OSBPL10: variants seen among roughly 807,000 people sequenced by gnomAD.
OSBPL10 encodes the protein oxysterol binding protein like 10, also known as oxysterol-binding protein-related protein 10.
In OSBPL10, 49 loss-of-function variants were observed where a neutral mutation model predicts 81.7. The ratio of observed to expected loss-of-function variants is 0.60; its 90% CI spans 0.48 to 0.76. The LOEUF is 0.76. Among genes scored for constraint, OSBPL10 ranks in the 30% least tolerant of loss-of-function variants. OSBPL10 has a pLI of 0.00. For missense variants in OSBPL10, 923 were observed against 987.8 expected, an observed-to-expected ratio of 0.93 and a Z score of 0.88; for synonymous variants, 419 against 383.6, an observed-to-expected ratio of 1.09 and a Z score of -1.08.
chr3:31,995,865 T>C (rs553555774), intron 2 of OSBPL10, among the ~76,000 whole-genome samples: 45 of 152,282 alleles, frequency 3.0e-4, no homozygotes, highest in African/African-American at 1.1e-3. Flanking sequence ...GACATGCAGT[T>C]AGTGTGATCA....
At chr3:31,970,216 A>T (rs1265543198) in intron 1 of OSBPL10, among the ~76,000 whole-genome samples, 1 of 152,158 alleles carries the variant, frequency 6.6e-6, no homozygotes, top group Admixed American at 6.5e-5. Flanking sequence ...GGGGCTTGCA[A>T]AAGAAGCATA....
chr3:31,796,809 A>G (rs1208679909), intron 4 of OSBPL10, among the ~76,000 whole-genome samples: 3 of 152,040 alleles, frequency 2.0e-5, no homozygotes, highest in Non-Finnish European at 4.4e-5. Flanking sequence ...GAGGGCTTTT[A>G]CCTTAGGCTT....
chr3:31,792,166 C>T (rs1699027565), intron 4 of OSBPL10, among the ~76,000 whole-genome samples: 1 of 151,462 alleles, frequency 6.6e-6, no homozygotes, highest in South Asian at 2.1e-4. Context: ...GCAATTGAGG[C>T]TGCGGTGAGC....
intron 3 of OSBPL10, among the ~76,000 whole-genome samples, chr3:31,840,332 G>C (rs1164905899): frequency 6.6e-6 from 1 of 152,198 alleles, no homozygotes; most frequent in African/African-American, 2.4e-5. Context: ...ATCTCTGACA[G>C]AGCACTCCTG....
chr3:31,902,194 A>G (rs1696262116), intron 1 of OSBPL10, among the ~76,000 whole-genome samples: 1 of 152,004 alleles, frequency 6.6e-6, no homozygotes, highest in Non-Finnish European at 1.5e-5. Context: ...AAGCTAATGC[A>G]CATATAGCAC....
Position 31,846,441 on chromosome 3 carries a change from T to C in OSBPL10, c.538-16210A>G, listed in dbSNP as rs577605811. Among the ~76,000 whole-genome samples, 251 of 152,022 alleles carry C rather than the reference T, an allele frequency of 1.7e-3. 1 individual carries two copies. The highest frequency in any genetic ancestry group is 5.2e-3 in the African/African-American group (215 of 41,486). Reference sequence around the variant, plus strand: ...GAGTTCGAGATCAGTCTGGCCAACATGGTAAAACCCCGTCTCTACTAAAAA... The same window carrying C: ...GAGTTCGAGATCAGTCTGGCCAACACGGTAAAACCCCGTCTCTACTAAAAA... On this transcript the variant is annotated intron_variant, in intron 3 of 11. Coordinates refer to ENST00000396556, the MANE Select transcript of OSBPL10 (RefSeq NM_017784.5).
intron 1 of OSBPL10, among the ~76,000 whole-genome samples, chr3:31,926,075 T>A (rs1697064556): frequency 6.6e-6 from 1 of 152,240 alleles, no homozygotes; most frequent in African/African-American, 2.4e-5. Context: ...TCACATAGTA[T>A]AAAGTATTGT....
intron 4 of OSBPL10, among the ~76,000 whole-genome samples, chr3:31,827,622 T>A (rs980473323): frequency 6.6e-6 from 1 of 150,478 alleles, no homozygotes; most frequent in Non-Finnish European, 1.5e-5. Flanking sequence ...GGCAACAGAG[T>A]GAGACTCTGT....
intron 4 of OSBPL10, among the ~76,000 whole-genome samples, chr3:31,792,093 G>A (rs960349389): frequency 2.0e-5 from 3 of 152,000 alleles, no homozygotes; most frequent in African/African-American, 7.2e-5. Flanking sequence ...GCCAGGTGTG[G>A]TGGCGCACAT....
intron 3 of OSBPL10, among the ~76,000 whole-genome samples, chr3:31,870,731 G>A (rs963609114): frequency 6.6e-6 from 1 of 151,894 alleles, no homozygotes; most frequent in African/African-American, 2.4e-5. Context: ...TCCACACTCT[G>A]TATTCTAGCT....
rs1698749559 is a variant in OSBPL10 at position 31,783,159 on chromosome 3, T to C, written c.730-35039A>G. Among the ~76,000 whole-genome samples the C allele has an allele frequency of 2.5e-5, 3 of 122,330 alleles. 1 individual carries two copies. Among genetic ancestry groups the C allele is most frequent in the Admixed American group, 2.3e-4 (3 of 12,782 alleles). The allele number at this position is 122,330 out of a possible 152,430, so 80.3% of individuals were successfully genotyped here. On this transcript the variant is annotated intron_variant, in intron 4 of 11. Coordinates refer to ENST00000396556, the MANE Select transcript of OSBPL10 (RefSeq NM_017784.5). ...TATATATATATATACACACACACCA[T>C]AGAATACTACTCAGCCATAAAAAGG...
intron 1 of OSBPL10, among the ~76,000 whole-genome samples, chr3:31,918,336 T>C (rs957627373): frequency 9.9e-5 from 15 of 151,956 alleles, no homozygotes; most frequent in African/African-American, 3.1e-4. Context: ...TTTCTTTTTT[T>C]TTTTTTTAAA....
chr3:31,830,150 G>A lies in OSBPL10; in HGVS notation c.619C>T (p.His207Tyr). 6.2e-7 allele frequency: 1 copy of A among 1,614,180 alleles called. No homozygotes were observed. The highest frequency in any genetic ancestry group is 8.5e-7 in the Non-Finnish European group (1 of 1,180,026). The change falls in exon 4 of 12, where the codon CAC (histidine) becomes TAC (tyrosine). Residue 207 changes from histidine (H) to tyrosine (Y), a missense_variant. Transcript: ENST00000396556. Reference sequence around the variant, plus strand: ...ACACCGGGGGCCCCCACACTGAGGTGTCTCTGGCTACAGGGAGACGCAGAA... The same window carrying A: ...ACACCGGGGGCCCCCACACTGAGGTATCTCTGGCTACAGGGAGACGCAGAA... ...PNSASPCSQR[H>Y]LSVGAPGVVT...
At position 31,933,660 on chromosome 3, in the gene OSBPL10, T is replaced by C. The variant is rs1426261999; in HGVS notation, c.281+47239A>G. 3.3e-5 allele frequency among the ~76,000 whole-genome samples: 5 copies of C among 152,176 alleles called. No individual in the cohort carries two copies. The East Asian group carries it at 9.7e-4, about 29-fold the overall frequency. On this transcript the variant is annotated intron_variant, in intron 1 of 11. Transcript: ENST00000396556. ...CCTGAGCTCAAGCAATCTTCCCACC[T>C]CAGCCTCCCAAAGTGCCGGGATTAC...
intron 2 of OSBPL10, among the ~76,000 whole-genome samples, chr3:32,043,159 C>T (rs1372732056): frequency 6.6e-6 from 1 of 152,064 alleles, no homozygotes; most frequent in African/African-American, 2.4e-5. Flanking sequence ...GTTTATAGAC[C>T]TCCCCCAAGG....
Position 32,073,116 on chromosome 3 carries a change from C to T in OSBPL10, n.185+4280G>A, listed in dbSNP as rs115508623. Among the ~76,000 whole-genome samples, 1,064 of 152,250 alleles carry T rather than the reference C, an allele frequency of 7.0e-3. 10 individuals are homozygous for T. Among genetic ancestry groups the T allele is most frequent in the African/African-American group, 0.024 (1,016 of 41,532 alleles). On this transcript the variant is annotated intron_variant and non_coding_transcript_variant, in intron 1 of 3. Coordinates refer to the OSBPL10 transcript ENST00000479173. ...TTGACCTTCTGCCCTTCTCAGAATT[C>T]GAGCCTGTCCTCGAGACGCTACAGG...
At chr3:31,935,367 T>A (rs1009943589) in intron 1 of OSBPL10, among the ~76,000 whole-genome samples, 6 of 152,194 alleles carry the variant, frequency 3.9e-5, no homozygotes, top group African/African-American at 9.6e-5. Flanking sequence ...AACTTTTTTT[T>A]TATACAGTAT....
At chr3:31,691,860 GT>G (rs757330650) in intron 7 of OSBPL10, among the ~76,000 whole-genome samples, 5 of 152,030 alleles carry the variant, frequency 3.3e-5, no homozygotes, top group Non-Finnish European at 7.4e-5. Context: ...GTTCATTTAT[GT>G]CCTATTTTGA....
At chr3:31,858,815 G>A (rs563139761) in intron 3 of OSBPL10, among the ~76,000 whole-genome samples, 1 of 152,266 alleles carries the variant, frequency 6.6e-6, no homozygotes, top group South Asian at 2.1e-4. Flanking sequence ...AAACATTTGG[G>A]CAGTCTATCA....
Sources: gnomAD v4.1 joint callset for allele counts (sites outside exome capture counted in the v4.1 genomes callset) on GRCh38, gnomAD v4.1.1 for gene constraint, MANE v1.5 for transcripts, NCBI Gene and HGNC (gene_info 2026-07-23, HGNC 2026-07-21) for gene names.